Variants in TLK1 observed in about 807,000 individuals in gnomAD.
TLK1 encodes serine/threonine-protein kinase tousled-like 1.
In TLK1, 24 loss-of-function variants were observed where a neutral mutation model predicts 105.3. The observed-to-expected ratio is 0.23, with a 90% confidence interval of 0.17 to 0.32. The LOEUF is 0.32. TLK1 is among the 10% of genes least tolerant of loss of function. The pLI is 1.00. For missense variants in TLK1, 558 were observed against 910.5 expected (o/e 0.61, Z 4.98); for synonymous variants, 321 against 310.4 (o/e 1.03, Z -0.36).
chr2:171,042,351 C>A (rs1686721510), intron 11 of TLK1, among the ~76,000 whole-genome samples: 1 of 152,020 alleles, frequency 6.6e-6, no homozygotes, highest in Non-Finnish European at 1.5e-5. Flanking sequence ...CTCAAGAGAT[C>A]CTCCTGCCTC....
At chr2:171,159,124 T>G (rs1244227737) in intron 1 of TLK1, among the ~76,000 whole-genome samples, 1 of 152,206 alleles carries the variant, frequency 6.6e-6, no homozygotes, top group Non-Finnish European at 1.5e-5. Flanking sequence ...CAAAATAAAG[T>G]ACTCGCACCG....
intron 12 of TLK1, among the ~76,000 whole-genome samples, chr2:171,027,898 C>T (rs1685852312): frequency 6.6e-6 from 1 of 152,200 alleles, no homozygotes; most frequent in African/African-American, 2.4e-5. Flanking sequence ...TGCGACAGCT[C>T]ATGCCTGTAA....
At chr2:171,036,375 C>T (rs940405521) in intron 11 of TLK1, among the ~76,000 whole-genome samples, 3 of 152,064 alleles carry the variant, frequency 2.0e-5, no homozygotes, top group Non-Finnish European at 4.4e-5. Flanking sequence ...GAACCCAGAG[C>T]GAGACTCTGT....
chr2:171,118,610 T>A (rs187070667), intron 1 of TLK1, among the ~76,000 whole-genome samples: 1 of 152,342 alleles, frequency 6.6e-6, no homozygotes, highest in East Asian at 1.9e-4. Flanking sequence ...ATTGTTATTA[T>A]GCAGACTAAA....
chr2:170,991,005 T>TTA lies in TLK1; in HGVS notation c.*2774_*2775insTA, dbSNP rs372867908. The TTA allele has an allele frequency of 1.4e-5, 2 of 147,088 alleles. No individual in the cohort carries two copies. Among genetic ancestry groups the TTA allele is most frequent in the African/African-American group, 5.0e-5 (2 of 40,150 alleles). 9.1% of individuals were successfully genotyped at this position (147,088 alleles called of 1,614,324 possible). ...TTAGAAGGAGATGGTAGTGAGTGTTTAAAAAAAAAAAAAAGATTGAGTCTT... is the reference window on the plus strand; with the variant it reads ...TTAGAAGGAGATGGTAGTGAGTGTTTTAAAAAAAAAAAAAAAGATTGAGTCTT... On this transcript the variant is annotated 3_prime_UTR_variant, in exon 21 of 21. Coordinates refer to ENST00000431350, the MANE Select transcript of TLK1 (RefSeq NM_012290.5).
intron 1 of TLK1, among the ~76,000 whole-genome samples, chr2:171,222,100 T>C (rs1206775340): frequency 6.6e-6 from 1 of 152,234 alleles, no homozygotes; most frequent in Non-Finnish European, 1.5e-5. Context: ...TTTTAAATGC[T>C]GATGCATGAT....
At chr2:171,184,276 G>A (rs936614097) in intron 1 of TLK1, among the ~76,000 whole-genome samples, 2 of 152,248 alleles carry the variant, frequency 1.3e-5, no homozygotes, top group South Asian at 4.2e-4. Context: ...TCTATGTCAG[G>A]TTTTTGACCT....
At chr2:171,081,603 C>T (rs1688757264) in intron 3 of TLK1, 1 of 1,273,554 alleles carries the variant, frequency 7.9e-7, no homozygotes, top group Non-Finnish European at 1.0e-6. Context: ...AAAAACTAAA[C>T]TGATAATCTG....
intron 1 of TLK1, among the ~76,000 whole-genome samples, chr2:171,172,955 T>G (rs1468415774): frequency 6.6e-6 from 1 of 152,258 alleles, no homozygotes; most frequent in African/African-American, 2.4e-5. Context: ...TTTGGATATA[T>G]GTATAGTCCA....
At chr2:171,111,949 T>G (rs78825665) in intron 2 of TLK1, among the ~76,000 whole-genome samples, 2 of 151,598 alleles carry the variant, frequency 1.3e-5, no homozygotes, top group Admixed American at 6.6e-5. Context: ...TGGTAGGGTT[T>G]TTTGTTTGTT....
chr2:171,087,794 C>A (rs1037963050), intron 2 of TLK1, among the ~76,000 whole-genome samples: 2 of 152,196 alleles, frequency 1.3e-5, no homozygotes, highest in African/African-American at 4.8e-5. Context: ...TGGAGGCCAA[C>A]TTCACTCTGG....
chr2:171,140,785 C>T (rs372897677), intron 1 of TLK1, among the ~76,000 whole-genome samples: 3 of 152,010 alleles, frequency 2.0e-5, no homozygotes, highest in South Asian at 2.1e-4. Flanking sequence ...AAGAAAATAA[C>T]GCAAATAAAA....
At chr2:170,998,046 T>TTATCTATCTATCTATC (rs869267964) in intron 18 of TLK1, among the ~76,000 whole-genome samples, 5 of 147,656 alleles carry the variant, frequency 3.4e-5, no homozygotes, top group African/African-American at 1.3e-4. Flanking sequence ...CTATCTATCT[T>TTATCTATCTATCTATC]TATCTATCTA....
chr2:171,177,829 TG>T (rs1692858034), intron 1 of TLK1, among the ~76,000 whole-genome samples: 1 of 152,164 alleles, frequency 6.6e-6, no homozygotes, highest in Non-Finnish European at 1.5e-5. Flanking sequence ...GTTTCGCTCT[TG>T]TTGCCCAGGC....
intron 18 of TLK1, among the ~76,000 whole-genome samples, chr2:171,003,273 CAAAA>C (rs777049271): frequency 3.2e-4 from 22 of 68,482 alleles, no homozygotes; most frequent in African/African-American, 1.5e-3. Flanking sequence ...GACTCCGTCT[CAAAA>C]AAAAAAAAAA....
intron 3 of TLK1, among the ~76,000 whole-genome samples, chr2:171,061,546 T>C (rs1687749018): frequency 6.6e-6 from 1 of 152,206 alleles, no homozygotes; most frequent in Admixed American, 6.5e-5. Flanking sequence ...TACTCAAACA[T>C]ACTTAGTGTA....
intron 1 of TLK1, among the ~76,000 whole-genome samples, chr2:171,215,192 C>T (rs1693690890): frequency 6.6e-6 from 1 of 152,198 alleles, no homozygotes; most frequent in Non-Finnish European, 1.5e-5. Flanking sequence ...CTGCCCACCT[C>T]AGCCTCCCAA....
At chr2:171,128,524 C>T (rs1184121019) in intron 1 of TLK1, among the ~76,000 whole-genome samples, 4 of 152,146 alleles carry the variant, frequency 2.6e-5, no homozygotes, top group African/African-American at 9.7e-5. Context: ...AATATAAGTG[C>T]TCAATAAATA....
intron 11 of TLK1, among the ~76,000 whole-genome samples, chr2:171,033,025 T>C (rs1380971895): frequency 1.3e-5 from 2 of 152,000 alleles, no homozygotes; most frequent in Non-Finnish European, 2.9e-5. Context: ...CTGGGCAACA[T>C]GGTGAAACTC....
Sources: gnomAD v4.1 joint callset for allele counts (sites outside exome capture counted in the v4.1 genomes callset) on GRCh38, gnomAD v4.1.1 for gene constraint, MANE v1.5 for transcripts, NCBI Gene and HGNC (gene_info 2026-07-23, HGNC 2026-07-21) for gene names.